ROR2: variants seen among roughly 807,000 people sequenced by gnomAD.
ROR2 encodes the protein tyrosine-protein kinase transmembrane receptor ROR2.
Under a neutral mutation model 74.9 loss-of-function variants are expected in ROR2, and 33 were observed. That is an observed-to-expected ratio of 0.44 (90% confidence interval 0.33 to 0.59). The LOEUF (loss-of-function observed/expected upper bound fraction) is 0.59. Among genes scored for constraint, ROR2 ranks in the 20% least tolerant of loss-of-function variants. ROR2 has a pLI of 0.02. For synonymous variants in ROR2, 586 were observed against 558.7 expected (o/e 1.05, Z -0.69); for missense variants, 1,216 against 1,313.8 (o/e 0.93, Z 1.15).
In ROR2 at chr9:91,839,275, T is replaced by TGTGTGTAAGTACAGGC. The variant is rs1554681695; in HGVS notation, c.98-63458_98-63457insGCCTGTACTTACACAC. Reference sequence around the variant, plus strand: ...GGGTGTGTGTGTGTGTGTGTGTGTGTGTGTGTGTGTGTGTGTGTGTAAGTA... The same window carrying TGTGTGTAAGTACAGGC: ...GGGTGTGTGTGTGTGTGTGTGTGTGTGTGTGTAAGTACAGGCGTGTGTGTGTGTGTGTGTGTAAGTA... On this transcript the variant is annotated intron_variant, in intron 1 of 8. Transcript: ENST00000375708. Among the ~76,000 whole-genome samples, 544 of 145,956 alleles carry TGTGTGTAAGTACAGGC rather than the reference T, an allele frequency of 3.7e-3. 6 individuals carry two copies. Among genetic ancestry groups the TGTGTGTAAGTACAGGC allele is most frequent in the African/African-American group, 0.013 (508 of 38,620 alleles).
At chr9:91,810,765 G>A (rs569873462) in intron 1 of ROR2, among the ~76,000 whole-genome samples, 22 of 152,326 alleles carry the variant, frequency 1.4e-4, no homozygotes, top group Non-Finnish European at 3.1e-4. Flanking sequence ...GAGGGACGAC[G>A]CTGGCCTCTG....
chr9:91,897,251 T>G (rs1020794126), intron 1 of ROR2, among the ~76,000 whole-genome samples: 9 of 152,356 alleles, frequency 5.9e-5, no homozygotes, highest in Admixed American at 2.0e-4. Flanking sequence ...GCAATTAAAC[T>G]TATACAATTT....
intron 1 of ROR2, among the ~76,000 whole-genome samples, chr9:91,923,113 A>G (rs185086639): frequency 3.3e-5 from 5 of 152,314 alleles, no homozygotes; most frequent in African/African-American, 9.6e-5. Flanking sequence ...TGGACAGAGA[A>G]GATGCCCAAT....
At chr9:91,821,620 G>A (rs773275668) in intron 1 of ROR2, among the ~76,000 whole-genome samples, 8 of 152,162 alleles carry the variant, frequency 5.3e-5, no homozygotes, top group South Asian at 2.1e-4. Flanking sequence ...CCCTGTCCTC[G>A]TTCTCCAGCC....
chr9:91,905,655 G>A lies in ROR2; in HGVS notation c.97+44212C>T, dbSNP rs367980198. Among the ~76,000 whole-genome samples, 91 of 146,102 alleles carry A rather than the reference G, an allele frequency of 6.2e-4. No individual in the cohort carries two copies. Among genetic ancestry groups the A allele is most frequent in the South Asian group, 2.2e-3 (10 of 4,510 alleles). On this transcript the variant is annotated intron_variant, in intron 1 of 8. Coordinates refer to ENST00000375708, the MANE Select transcript of ROR2 (RefSeq NM_004560.4). The surrounding 1 kb of genome is among the most constrained non-coding windows in gnomAD (Gnocchi z 5.3). ...ACACATAAACACACATAACACACACGTACACCACACATACACTCCAAAATC... is the reference window on the plus strand; with the variant it reads ...ACACATAAACACACATAACACACACATACACCACACATACACTCCAAAATC...
chr9:91,930,550 T>G (rs1831523718), intron 1 of ROR2, among the ~76,000 whole-genome samples: 1 of 152,196 alleles, frequency 6.6e-6, no homozygotes, highest in South Asian at 2.1e-4. Context: ...TAAATGTGCC[T>G]TGCTGAGAAA....
rs373226320 is a variant in ROR2, at chr9:91,837,229, C to T, written c.98-61411G>A. On this transcript the variant is annotated intron_variant, in intron 1 of 8. Transcript: ENST00000375708. ...TGCAGTGGCGCGATCTCAGCCACCA[C>T]GCCCAGCTAGTTTTTTGTATTTTTA... Among the ~76,000 whole-genome samples the T allele has an allele frequency of 4.6e-5, 7 of 152,264 alleles. No homozygotes were observed. The South Asian group carries it at 8.3e-4, about 18-fold the overall frequency.
At chr9:91,885,718 A>C (rs1164552185) in intron 1 of ROR2, among the ~76,000 whole-genome samples, 1 of 152,230 alleles carries the variant, frequency 6.6e-6, no homozygotes, top group African/African-American at 2.4e-5. Context: ...GATGCGTTTA[A>C]ATCAAATCAA....
chr9:91,796,683 A>C (rs138620471), intron 1 of ROR2, among the ~76,000 whole-genome samples: 1 of 151,178 alleles, frequency 6.6e-6, no homozygotes, highest in Non-Finnish European at 1.5e-5. Context: ...AGTCTGGGCT[A>C]GTAGATGGGG....
At chr9:91,750,756 C>T (rs780310703) in intron 4 of ROR2, among the ~76,000 whole-genome samples, 3 of 152,050 alleles carry the variant, frequency 2.0e-5, no homozygotes, top group Non-Finnish European at 4.4e-5. Context: ...GAAAATACCA[C>T]GAGTGTTGAT....
intron 1 of ROR2, among the ~76,000 whole-genome samples, chr9:91,930,435 A>G (rs1359667765): frequency 1.3e-5 from 2 of 152,232 alleles, no homozygotes; most frequent in Non-Finnish European, 2.9e-5. Context: ...CAATAGGAGA[A>G]GGAAACAGAA....
At chr9:91,909,842 G>GTTTGTTTTTTT (rs1830913290) in intron 1 of ROR2, among the ~76,000 whole-genome samples, 10 of 55,978 alleles carry the variant, frequency 1.8e-4, no homozygotes, top group Non-Finnish European at 9.5e-5. Context: ...TTTTAGGTTT[G>GTTTGTTTTTTT]TTTTGTTTTT....
At chr9:91,904,593 TGG>T (rs759312360) in intron 1 of ROR2, among the ~76,000 whole-genome samples, 8 of 152,112 alleles carry the variant, frequency 5.3e-5, no homozygotes, top group Non-Finnish European at 1.0e-4. Flanking sequence ...AGGCCCATGG[TGG>T]GGGTGCCTTG....
chr9:91,869,253 T>A (rs1191288417), intron 1 of ROR2, among the ~76,000 whole-genome samples: 1 of 151,710 alleles, frequency 6.6e-6, no homozygotes, highest in African/African-American at 2.4e-5. Context: ...GGAAACAGAG[T>A]CTCAATAAAT....
chr9:91,827,282 T>G (rs1291958465), intron 1 of ROR2, among the ~76,000 whole-genome samples: 3 of 152,184 alleles, frequency 2.0e-5, no homozygotes, highest in African/African-American at 7.2e-5. Flanking sequence ...TCATTATAGA[T>G]GAATATTACA....
In ROR2 at chr9:91,786,158, CAAAAAAAAAAA is replaced by C. The variant is rs35972600; in HGVS notation, c.98-10351_98-10341del. Among the ~76,000 whole-genome samples, 45 of 56,544 alleles carry C rather than the reference CAAAAAAAAAAA, an allele frequency of 8.0e-4. 1 individual carries two copies. Among genetic ancestry groups the C allele is most frequent in the Non-Finnish European group, 2.7e-4 (9 of 32,904 alleles). The allele number at this position is 56,544 out of a possible 152,430, so 37.1% of individuals were successfully genotyped here. A position where few individuals can be genotyped will look rare whatever the true frequency, so the allele number is the denominator to read the frequency against. On this transcript the variant is annotated intron_variant, in intron 1 of 8. Coordinates refer to ENST00000375708, the MANE Select transcript of ROR2 (RefSeq NM_004560.4). ...TAACATACGGAAACCCTGTTTCTAC[CAAAAAAAAAAA>C]AAAAAAAAAAAGCCAGGTATGGTGG...
intron 1 of ROR2, among the ~76,000 whole-genome samples, chr9:91,872,858 C>T (rs926780319): frequency 6.6e-6 from 1 of 152,098 alleles, no homozygotes; most frequent in Non-Finnish European, 1.5e-5. Context: ...GTAAAGGCAC[C>T]CTGGTGTGTT....
At chr9:91,835,119 C>T (rs1346324131) in intron 1 of ROR2, among the ~76,000 whole-genome samples, 1 of 151,770 alleles carries the variant, frequency 6.6e-6, no homozygotes, top group Non-Finnish European at 1.5e-5. Flanking sequence ...GCAGACACAG[C>T]CCCTGCAGTC....
chr9:91,768,758 C>T (rs570631873), intron 2 of ROR2, among the ~76,000 whole-genome samples: 14 of 152,282 alleles, frequency 9.2e-5, no homozygotes, highest in African/African-American at 3.1e-4. Context: ...GTCTCAGGTG[C>T]CCGGCCCAAA....
Sources: allele counts gnomAD v4.1 joint callset (sites outside exome capture counted in the v4.1 genomes callset), GRCh38; gene constraint gnomAD v4.1.1; non-coding constraint Gnocchi (gnomAD v3.1); transcripts MANE v1.5; gene names NCBI Gene and HGNC (gene_info 2026-07-23, HGNC 2026-07-21).